LILRA1: variants seen among roughly 807,000 people sequenced by gnomAD.
LILRA1 encodes leukocyte immunoglobulin like receptor A1.
LILRA1 carries 51 observed loss-of-function variants against 51.6 expected under a neutral mutation model. The observed-to-expected ratio is 0.99, with a 90% CI of 0.79 to 1.25. The LOEUF is 1.25. Among genes scored for constraint, LILRA1 ranks in the 50% most tolerant of loss-of-function variants. The pLI, the probability that LILRA1 is intolerant of heterozygous loss-of-function variation, is 0.00. For synonymous variants in LILRA1, 305 were observed against 248.4 expected (o/e 1.23, Z -2.14); for missense variants, 660 against 611.7 (o/e 1.08, Z -0.83).
At chr19:54,594,619 G>A (rs774217344) in intron 3 of LILRA1, 46 bp from the exon 4 acceptor site, 1 of 1,607,940 alleles carries the variant, frequency 6.2e-7, no homozygotes, top group African/African-American at 1.3e-5. Flanking sequence ...GCTGAGATAT[G>A]TTGGGTGGGA....
At chr19:54,600,671 C>T (rs1313753991) in intron 9 of LILRA1, 28 bp from the exon 10 acceptor site, 2 of 1,613,732 alleles carry the variant, frequency 1.2e-6, no homozygotes, top group South Asian at 1.1e-5. Context: ...GCCCTGACCT[C>T]TGTGACCTCT....
Position 54,598,576 on chromosome 19 carries a change from G to A in LILRA1, c.1262-660G>A, listed in dbSNP as rs565916127. Among the ~76,000 whole-genome samples the A allele has an allele frequency of 6.6e-5, 10 of 152,120 alleles. No homozygotes were observed. In the South Asian group the frequency reaches 1.0e-3, roughly 16 times the overall value. On this transcript the variant is annotated intron_variant, in intron 7 of 9. Coordinates refer to ENST00000251372, the MANE Select transcript of LILRA1 (RefSeq NM_006863.4). ...GGATAATTCTAACATCTAAATAAAC[G>A]TCTTTTATATGAAAAAAGTGCTTTA...
Position 54,595,128 on chromosome 19 carries a change from T to C in LILRA1, c.387T>C (p.Ala129=). The C allele has an allele frequency of 6.2e-7, 1 of 1,613,952 alleles. No homozygotes were observed. Among genetic ancestry groups the C allele is most frequent in the Non-Finnish European group, 8.5e-7 (1 of 1,179,906 alleles). The change falls in exon 5 of 10, where the codon GCT becomes GCC. Residue 129 remains alanine, a synonymous_variant. Coordinates refer to ENST00000251372, the MANE Select transcript of LILRA1 (RefSeq NM_006863.4). ...TGAYIKPTLS[A]LPSPVVTSGG... is the part of the protein sequence containing the mutation. ...CCTACATCAAACCCACCCTCTCAGCTCTACCCAGCCCTGTGGTGACCTCAG... is the reference window on the plus strand; with the variant it reads ...CCTACATCAAACCCACCCTCTCAGCCCTACCCAGCCCTGTGGTGACCTCAG...
At chr19:54,594,517 TG>T (rs2062979301) in intron 3 of LILRA1, 41 bp downstream of exon 3, 1 of 839,156 alleles carries the variant, frequency 1.2e-6, no homozygotes, top group African/African-American at 2.0e-5. Flanking sequence ...TCCTCCTCAC[TG>T]GGGACAAGGG....
chr19:54,599,127 C>A, intron 7 of LILRA1, 109 bp from the exon 8 acceptor site: 1 of 1,286,362 alleles, frequency 7.8e-7, no homozygotes, highest in Admixed American at 2.3e-5. Flanking sequence ...ACCCAGGACA[C>A]CCACCTCTCC....
chr19:54,594,437 C>T lies in LILRA1; in HGVS notation c.35-4C>T, dbSNP rs750346863. On this transcript the variant is annotated splice_region_variant and splice_polypyrimidine_tract_variant and intron_variant, in intron 2 of 9. Transcript: ENST00000251372. ...CAAATTCCTCACAGGGAACTCTCTTCCAGGGCTGAGTCTGGGCCCCCGGAC... is the reference window on the plus strand; with the variant it reads ...CAAATTCCTCACAGGGAACTCTCTTTCAGGGCTGAGTCTGGGCCCCCGGAC... 1 of 1,614,224 alleles carries T rather than the reference C, an allele frequency of 6.2e-7. No individual in the cohort carries two copies. Among genetic ancestry groups the T allele is most frequent in the Non-Finnish European group, 8.5e-7 (1 of 1,180,028 alleles).
intron 8 of LILRA1, chr19:54,599,494 G>C: frequency 8.2e-7 from 1 of 1,226,430 alleles, no homozygotes; most frequent in Non-Finnish European, 1.0e-6. Flanking sequence ...GAAAGCTACT[G>C]CTTTGAGTAT....
chr19:54,599,760 T>C (rs575002225), intron 8 of LILRA1: 1 of 393,570 alleles, frequency 2.5e-6, no homozygotes, highest in African/African-American at 2.2e-5. Context: ...TTTGAATATG[T>C]GTGTAAGTAT....
intron 7 of LILRA1, among the ~76,000 whole-genome samples, chr19:54,598,063 A>G (rs1241144371): frequency 1.3e-5 from 2 of 150,884 alleles, no homozygotes; most frequent in Admixed American, 6.6e-5. Flanking sequence ...GCACCCGGAG[A>G]CTAAGGAGGG....
intron 2 of LILRA1, 60 bp downstream of exon 2, chr19:54,594,338 C>T (rs10410699): frequency 3.0e-5 from 49 of 1,611,898 alleles, no homozygotes; most frequent in African/African-American, 6.7e-5. Context: ...CCACAGCCGA[C>T]CTCTAGTCCC....
chr19:54,598,767 A>C (rs1475376816), intron 7 of LILRA1, among the ~76,000 whole-genome samples: 1 of 152,142 alleles, frequency 6.6e-6, no homozygotes, highest in East Asian at 1.9e-4. Context: ...AAGGTGTTGA[A>C]TAATTCTTTA....
intron 3 of LILRA1, 90 bp downstream of exon 3, chr19:54,594,566 C>G: frequency 6.2e-7 from 1 of 1,612,886 alleles, no homozygotes; most frequent in Non-Finnish European, 8.5e-7. Flanking sequence ...AATAGCAGTT[C>G]TGGACTGACT....
chr19:54,597,227 G>T (rs995884019), intron 7 of LILRA1, among the ~76,000 whole-genome samples: 1 of 152,042 alleles, frequency 6.6e-6, no homozygotes, highest in Non-Finnish European at 1.5e-5. Flanking sequence ...TAATATTCAG[G>T]GTCTGATTTC....
At chr19:54,594,562 A>G (rs758560543) in intron 3 of LILRA1, 86 bp downstream of exon 3, 49 of 1,613,142 alleles carry the variant, frequency 3.0e-5, no homozygotes, top group Non-Finnish European at 4.2e-5. Context: ...GGGGAATAGC[A>G]GTTCTGGACT....
At chr19:54,596,559 T>C in intron 7 of LILRA1, 68 bp downstream of exon 7, 1 of 1,590,034 alleles carries the variant, frequency 6.3e-7, no homozygotes, top group South Asian at 1.1e-5. Context: ...CCAGGAGAGC[T>C]CTGGACACTA....
At position 54,594,879 on chromosome 19, in the gene LILRA1, G is replaced by T; in HGVS notation, c.285G>T (p.Arg95=). 1 of 1,614,154 alleles carries T rather than the reference G, an allele frequency of 6.2e-7. No homozygotes were observed. The highest frequency in any genetic ancestry group is 8.5e-7 in the Non-Finnish European group (1 of 1,179,998). The change falls in exon 4 of 10, where the codon CGG becomes CGT. Residue 95 remains arginine, a synonymous_variant. Coordinates refer to ENST00000251372, the MANE Select transcript of LILRA1 (RefSeq NM_006863.4). The part of the protein sequence containing the change: ...IPSITWEHTG[R]YRCFYGSHTA... ...CCATCACCTGGGAACACACAGGGCGGTATCGCTGTTTCTACGGTAGCCACA... is the reference window on the plus strand; with the variant it reads ...CCATCACCTGGGAACACACAGGGCGTTATCGCTGTTTCTACGGTAGCCACA...
rs1417469492 is a variant in LILRA1 at position 54,601,120 on chromosome 19, C to T, written c.*303C>T. ...AGACATGAGGCTACATCCCACATGG[C>T]AGCGTTGGGTCCACACCTCTGCACA... On this transcript the variant is annotated 3_prime_UTR_variant, in exon 10 of 10. Transcript: ENST00000251372. 14 of 483,728 alleles carry T rather than the reference C, an allele frequency of 2.9e-5. No individual in the cohort carries two copies. Among genetic ancestry groups the T allele is most frequent in the Middle Eastern group, 1.1e-3 (2 of 1,808 alleles). 30.0% of individuals were successfully genotyped at this position (483,728 alleles called of 1,614,324 possible).
Position 54,594,818 on chromosome 19 carries a change from A to G in LILRA1, c.224A>G (p.Gln75Arg), listed in dbSNP as rs879654906. The G allele has an allele frequency of 3.5e-5, 56 of 1,614,024 alleles. No individual in the cohort carries two copies. Among genetic ancestry groups the G allele is most frequent in the Non-Finnish European group, 4.6e-5 (54 of 1,179,994 alleles). ...GCACCCTGGATTACACGGATCCCACAGGAGATTGTGAAGAAGGGCCAGTTC... is the reference window on the plus strand; with the variant it reads ...GCACCCTGGATTACACGGATCCCACGGGAGATTGTGAAGAAGGGCCAGTTC... ...KTAPWITRIP[Q>R]EIVKKGQFPI... Residue 75 changes from glutamine to arginine, a missense_variant, in exon 4 of 10, where the codon CAG becomes CGG. Coordinates refer to ENST00000251372, the MANE Select transcript of LILRA1 (RefSeq NM_006863.4).
At chr19:54,598,077 G>A (rs768914642) in intron 7 of LILRA1, among the ~76,000 whole-genome samples, 2 of 151,288 alleles carry the variant, frequency 1.3e-5, no homozygotes, top group African/African-American at 2.4e-5. Flanking sequence ...AGGAGGGACC[G>A]TGCACCTGCT....
Sources: allele counts gnomAD v4.1 joint callset (sites outside exome capture counted in the v4.1 genomes callset), GRCh38; gene constraint gnomAD v4.1.1; transcripts MANE v1.5; gene names NCBI Gene and HGNC (gene_info 2026-07-23, HGNC 2026-07-21).